The following SCD5 variants were observed in gnomAD, a reference collection of about 807,000 sequenced individuals.
SCD5 encodes the protein acyl-CoA-desaturase 4.
Under a neutral mutation model 30.4 loss-of-function variants are expected in SCD5, and 20 were observed. The ratio of observed to expected loss-of-function variants is 0.66; its 90% CI spans 0.46 to 0.96. The LOEUF is 0.96. Ranked by LOEUF, SCD5 falls within the 40% of genes least tolerant of loss-of-function variation. The probability of loss-of-function intolerance (pLI) is 0.00; values close to 1 mark genes in which losing one functional copy is unlikely to be tolerated. For synonymous variants in SCD5, 173 were observed against 176.4 expected (o/e 0.98, Z 0.16); for missense variants, 381 against 443.3 (o/e 0.86, Z 1.26).
At chr4:82,759,918 C>T (rs571464527) in intron 1 of SCD5, among the ~76,000 whole-genome samples, 2 of 152,268 alleles carry the variant, frequency 1.3e-5, no homozygotes, top group South Asian at 4.1e-4. Context: ...AATCTCAAAC[C>T]TCATGTGCTC....
rs72916856 is a variant in SCD5 at position 82,697,062 on chromosome 4, C to A, written c.363+8221G>T. 5.5e-3 allele frequency among the ~76,000 whole-genome samples: 842 copies of A among 152,200 alleles called. 10 individuals carry two copies. Among genetic ancestry groups the A allele is most frequent in the African/African-American group, 0.019 (788 of 41,528 alleles). On this transcript the variant is annotated intron_variant, in intron 2 of 4. Coordinates refer to ENST00000319540, the MANE Select transcript of SCD5 (RefSeq NM_001037582.3). ...GTGGTTCTAAGACAAAGAAAGGTTG[C>A]GAGAAAATACATGATTAAGGAGGTT...
At chr4:82,705,953 T>C (rs1719960265) in intron 1 of SCD5, among the ~76,000 whole-genome samples, 2 of 152,232 alleles carry the variant, frequency 1.3e-5, no homozygotes, top group African/African-American at 2.4e-5. Flanking sequence ...AAAAACAAGA[T>C]TTACCCTTAA....
intron 2 of SCD5, among the ~76,000 whole-genome samples, chr4:82,697,319 T>C (rs181720291): frequency 5.9e-5 from 9 of 152,356 alleles, no homozygotes; most frequent in African/African-American, 2.2e-4. Context: ...AAAAACTCTT[T>C]AAAGTATTGC....
At chr4:82,688,261 AAAAT>A (rs1405534516) in intron 2 of SCD5, among the ~76,000 whole-genome samples, 1 of 152,176 alleles carries the variant, frequency 6.6e-6, no homozygotes, top group Non-Finnish European at 1.5e-5. Flanking sequence ...TTTAGAGTAG[AAAAT>A]ATGCGTGTGC....
intron 3 of SCD5, among the ~76,000 whole-genome samples, chr4:82,656,172 C>T (rs892169237): frequency 2.6e-5 from 4 of 152,008 alleles, no homozygotes; most frequent in African/African-American, 9.7e-5. Flanking sequence ...TAGGTATACA[C>T]GTGCTATGGT....
intron 1 of SCD5, among the ~76,000 whole-genome samples, chr4:82,787,383 T>C (rs1456452477): frequency 6.6e-6 from 1 of 151,480 alleles, no homozygotes; most frequent in Non-Finnish European, 1.5e-5. Context: ...GTGCCCAGAG[T>C]AACCTACCGC....
In SCD5 at chr4:82,640,776, A is replaced by T. The variant is rs534909285; in HGVS notation, c.570-3953T>A. On this transcript the variant is annotated intron_variant, in intron 3 of 4. Transcript: ENST00000319540. The stretch of plus-strand genomic sequence containing the variant: ...CTTCCTCATCTAATAACACTCAAAC[A>T]TGAATGGTCTGGCCAAGGGGCCACA... 2.4e-4 allele frequency among the ~76,000 whole-genome samples: 36 copies of T among 152,014 alleles called. No homozygotes were observed. The South Asian group carries it at 7.5e-3, about 32-fold the overall frequency.
intron 1 of SCD5, among the ~76,000 whole-genome samples, chr4:82,788,133 A>G (rs1454019454): frequency 6.6e-6 from 1 of 152,228 alleles, no homozygotes; most frequent in Non-Finnish European, 1.5e-5. Flanking sequence ...AAGGCACCAT[A>G]TATGAATAAG....
At chr4:82,737,276 T>G (rs1720771914) in intron 1 of SCD5, among the ~76,000 whole-genome samples, 1 of 152,222 alleles carries the variant, frequency 6.6e-6, no homozygotes, top group Non-Finnish European at 1.5e-5. Flanking sequence ...TTCCAAGGAT[T>G]TGTTTTCTAG....
At chr4:82,728,503 A>G (rs1437717071) in intron 1 of SCD5, among the ~76,000 whole-genome samples, 2 of 152,104 alleles carry the variant, frequency 1.3e-5, no homozygotes, top group Non-Finnish European at 2.9e-5. Flanking sequence ...GACTTCCCCA[A>G]TTGCTCCTAT....
At chr4:82,665,883 A>G (rs548624516) in intron 3 of SCD5, among the ~76,000 whole-genome samples, 36 of 152,294 alleles carry the variant, frequency 2.4e-4, no homozygotes, top group Non-Finnish European at 5.0e-4. Context: ...AAACTTTAGA[A>G]AAATATACAG....
chr4:82,634,384 T>C (rs1727379777), intron 4 of SCD5, among the ~76,000 whole-genome samples: 1 of 152,204 alleles, frequency 6.6e-6, no homozygotes, highest in Non-Finnish European at 1.5e-5. Flanking sequence ...CCACTGACCA[T>C]GTTTAAAGGA....
chr4:82,735,982 AAC>A (rs1202979614), intron 1 of SCD5, among the ~76,000 whole-genome samples: 3 of 152,196 alleles, frequency 2.0e-5, no homozygotes, highest in Non-Finnish European at 4.4e-5. Flanking sequence ...TTGTTTTTAT[AAC>A]ACACAAATTT....
rs574243592 is a variant in SCD5, at chr4:82,798,405, T to G, written c.133A>C (p.Ile45Leu). The change falls in exon 1 of 5, where the codon ATC becomes CTC. Residue 45 changes from isoleucine to leucine, a missense_variant. Physicochemically the swap from Ile to Leu is conservative, Grantham distance 5 (BLOSUM62 2). Transcript: ENST00000319540. The stretch of plus-strand genomic sequence containing the variant: ...ATCAGGACGACATTCCTCCAGACGA[T>G]GTTCTGCCGCTGCCCGCGCGCGCCT... ...RPGARGQRQN[I>L]VWRNVVLMSL... 67 of 1,613,074 alleles carry G rather than the reference T, an allele frequency of 4.2e-5. No individual in the cohort carries two copies. Among genetic ancestry groups the G allele is most frequent in the Non-Finnish European group, 5.4e-5 (64 of 1,179,602 alleles).
At chr4:82,658,790 A>G (rs1265101681) in intron 3 of SCD5, among the ~76,000 whole-genome samples, 2 of 149,356 alleles carry the variant, frequency 1.3e-5, no homozygotes, top group Non-Finnish European at 3.0e-5. Context: ...TTGGCCTGAT[A>G]TTTTCTTTTT....
At chr4:82,726,789 C>T in intron 1 of SCD5, among the ~76,000 whole-genome samples, 1 of 152,186 alleles carries the variant, frequency 6.6e-6, no homozygotes, top group East Asian at 1.9e-4. Flanking sequence ...ACGCGCTGGA[C>T]TGGATAAAGC....
intron 1 of SCD5, among the ~76,000 whole-genome samples, chr4:82,765,022 C>T (rs182485776): frequency 2.6e-4 from 39 of 152,166 alleles, no homozygotes; most frequent in Non-Finnish European, 3.8e-4. Flanking sequence ...CCACCATGCC[C>T]GGCTAAGATA....
intron 1 of SCD5, among the ~76,000 whole-genome samples, chr4:82,710,372 C>T (rs1186346430): frequency 6.6e-6 from 1 of 152,140 alleles, no homozygotes; most frequent in African/African-American, 2.4e-5. Context: ...AAGTGACCCT[C>T]GGATCAGGAG....
rs75444924 is a variant in SCD5 at position 82,753,449 on chromosome 4, C to T, written c.232+44857G>A. The T allele has an allele frequency of 2.8e-4, 144 of 515,950 alleles. 1 individual carries two copies. In the East Asian group the frequency reaches 3.1e-3, roughly 11 times the overall value. 32.0% of individuals were successfully genotyped at this position (515,950 alleles called of 1,614,324 possible). ...CTGAATTTAAAGGCACAAAGCAGTG[C>T]GCCCCAGAGTCACGCGGGTGGACTC... On this transcript the variant is annotated intron_variant, in intron 1 of 4. Transcript: ENST00000319540.
Sources: gnomAD v4.1 joint callset for allele counts (sites outside exome capture counted in the v4.1 genomes callset) on GRCh38, gnomAD v4.1.1 for gene constraint, MANE v1.5 for transcripts, NCBI Gene and HGNC (gene_info 2026-07-23, HGNC 2026-07-21) for gene names.